SHROOM4: variants seen among roughly 807,000 people sequenced by gnomAD.
SHROOM4 encodes the protein shroom family member 4, also known as protein Shroom4.
SHROOM4 carries 17 observed loss-of-function variants against 80.3 expected under a neutral mutation model. That is an observed-to-expected ratio of 0.21 (90% CI 0.14 to 0.32). SHROOM4 has a LOEUF of 0.32. SHROOM4 is among the 10% of genes least tolerant of loss of function. The probability of loss-of-function intolerance (pLI) is 1.00; values close to 1 mark genes in which losing one functional copy is unlikely to be tolerated. For synonymous variants in SHROOM4, 400 were observed against 437.5 expected, an observed-to-expected ratio of 0.91 and a Z score of 1.07; for missense variants, 993 against 1,140.3, an observed-to-expected ratio of 0.87 and a Z score of 1.86.
chrX:50,766,637 A>C (rs1410318805), intron 1 of SHROOM4, among the ~76,000 whole-genome samples: 4 of 111,807 alleles, frequency 3.6e-5, no homozygotes, highest in African/African-American at 1.3e-4. Flanking sequence ...ACAGAATCAC[A>C]TATTTGTCCC....
chrX:50,584,564 A>G (rs1423236479), downstream of SHROOM4, among the ~76,000 whole-genome samples: 1 of 112,100 alleles, frequency 8.9e-6, no homozygotes, highest in Non-Finnish European at 1.9e-5. Context: ...TAAGAAGAAT[A>G]GTTAGGCTAA....
intron 2 of SHROOM4, among the ~76,000 whole-genome samples, chrX:50,638,803 C>A (rs189525756): frequency 8.9e-6 from 1 of 112,775 alleles, no homozygotes; most frequent in Non-Finnish European, 1.9e-5. Flanking sequence ...GTGTCCTCTA[C>A]GTGTAACTCT....
At chrX:50,728,823 T>C (rs1934298230) in intron 1 of SHROOM4, among the ~76,000 whole-genome samples, 1 of 111,917 alleles carries the variant, frequency 8.9e-6, no homozygotes, top group African/African-American at 3.3e-5. Flanking sequence ...GGAGTAATCA[T>C]AACCTTTGGT....
chrX:50,581,586 G>T, the SHROOM4 span, among the ~76,000 whole-genome samples: 1 of 111,950 alleles, frequency 8.9e-6, no homozygotes, highest in East Asian at 2.8e-4. Context: ...AAATGACAAA[G>T]GCTTTGGGTC....
intron 5 of SHROOM4, among the ~76,000 whole-genome samples, chrX:50,613,288 A>AT (rs1420182079): frequency 1.8e-5 from 2 of 111,015 alleles, no homozygotes; most frequent in Non-Finnish European, 3.8e-5. Context: ...TAATTTTTGT[A>AT]TTTTTAGTAG....
chrX:50,613,180 C>A (rs1930073440), intron 5 of SHROOM4, among the ~76,000 whole-genome samples: 1 of 111,388 alleles, frequency 9.0e-6, no homozygotes, highest in African/African-American at 3.3e-5. Flanking sequence ...AGTGCATGAT[C>A]TCCGCTCACT....
At chrX:50,675,068 G>A (rs1416901593) in intron 2 of SHROOM4, among the ~76,000 whole-genome samples, 4 of 111,794 alleles carry the variant, frequency 3.6e-5, no homozygotes, top group Non-Finnish European at 7.5e-5. Context: ...AGAGGACACT[G>A]TATTCAGGGA....
In SHROOM4 at chrX:50,588,163, G is replaced by T. The variant is rs1557245055; in HGVS notation, c.*8532C>A. Among the ~76,000 whole-genome samples, 1 of 111,202 alleles carries T rather than the reference G, an allele frequency of 9.0e-6. No homozygotes were observed. Among genetic ancestry groups the T allele is most frequent in the East Asian group, 2.8e-4 (1 of 3,534 alleles). ...CTAACAGACTACATTGTTCTCATCA[G>T]ATGGTAGTATTGAGCTTGCCAGAAA... On this transcript the variant is annotated 3_prime_UTR_variant, in exon 9 of 9. Transcript: ENST00000376020.
At chrX:50,705,960 G>T (rs1389018840) in intron 1 of SHROOM4, among the ~76,000 whole-genome samples, 1 of 101,162 alleles carries the variant, frequency 9.9e-6, no homozygotes, top group Non-Finnish European at 2.0e-5. Flanking sequence ...ATGCCTTTTT[G>T]ACCTTATTTC....
At chrX:50,685,330 G>A (rs1242744923) in intron 2 of SHROOM4, among the ~76,000 whole-genome samples, 1 of 111,479 alleles carries the variant, frequency 9.0e-6, no homozygotes, top group East Asian at 2.8e-4. Context: ...GACACTGGAG[G>A]GGGTTGGTTG....
Position 50,607,722 on chromosome X carries a change from TTCTTCTTCC to T in SHROOM4, c.3411_3419del (p.Glu1149_Glu1151del), listed in dbSNP as rs782008492. 29 of 1,178,237 alleles carry T rather than the reference TTCTTCTTCC, an allele frequency of 2.5e-5. No individual in the cohort carries two copies. Among genetic ancestry groups the T allele is most frequent in the Non-Finnish European group, 3.3e-5 (29 of 876,445 alleles). ...CCTCCTCTTCCTCTTCCTCTTCTTC[TTCTTCTTCC>T]TCCTCCTCCTCCTCCTCCTGTTGCT... On this transcript the variant is annotated inframe_deletion, in exon 6 of 9. Transcript: ENST00000376020.
chrX:50,726,516 G>A (rs1557265887), intron 1 of SHROOM4, among the ~76,000 whole-genome samples: 1 of 112,242 alleles, frequency 8.9e-6, no homozygotes, highest in African/African-American at 3.2e-5. Flanking sequence ...GGCTTGGGCC[G>A]GGCCCAAGGC....
chrX:50,614,210 A>G (rs946320817), intron 5 of SHROOM4, among the ~76,000 whole-genome samples: 1 of 112,803 alleles, frequency 8.9e-6, no homozygotes, highest in Non-Finnish European at 1.9e-5. Context: ...TTTTAAAAAT[A>G]TAAAATAATC....
Position 50,692,183 on chromosome X carries a change from T to C in SHROOM4, c.269+3603A>G, listed in dbSNP as rs150401916. On this transcript the variant is annotated intron_variant, in intron 2 of 8. Transcript: ENST00000376020. ...TGGCGAGATGAGTGGGTGAAACACC[T>C]GAACACTCTCATTCTTGTGACTGGC... is the stretch of plus-strand genomic sequence containing the variant. 6.5e-3 allele frequency among the ~76,000 whole-genome samples: 726 copies of C among 112,149 alleles called. 5 individuals are homozygous for C. The highest frequency in any genetic ancestry group is 0.022 in the African/African-American group (690 of 30,856).
In SHROOM4 at chrX:50,692,379, G is replaced by T. The variant is rs1432563274; in HGVS notation, c.269+3407C>A. Among the ~76,000 whole-genome samples, 3 of 111,757 alleles carry T rather than the reference G, an allele frequency of 2.7e-5. No homozygotes were observed. In the Admixed American group the frequency reaches 2.8e-4, roughly 11 times the overall value. On this transcript the variant is annotated intron_variant, in intron 2 of 8. Transcript: ENST00000376020. ...CTGCAAAGCACACCACCATTCTGAT[G>T]CTCTCCCAATTTAACAATGTTTGTT...
chrX:50,701,495 A>G (rs1047448369), intron 1 of SHROOM4, among the ~76,000 whole-genome samples: 2 of 111,862 alleles, frequency 1.8e-5, no homozygotes, highest in African/African-American at 6.5e-5. Flanking sequence ...CATTAATGCT[A>G]TCAGTGTTTG....
rs920094611 is a variant in SHROOM4 at position 50,589,048 on chromosome X, A to G, written c.*7647T>C. 2.7e-4 allele frequency among the ~76,000 whole-genome samples: 30 copies of G among 111,587 alleles called. No individual in the cohort carries two copies. Among genetic ancestry groups the G allele is most frequent in the South Asian group, 7.5e-4 (2 of 2,654 alleles). On this transcript the variant is annotated 3_prime_UTR_variant, in exon 9 of 9. Coordinates refer to ENST00000376020, the MANE Select transcript of SHROOM4 (RefSeq NM_020717.5). The stretch of plus-strand genomic sequence containing the variant: ...CTCCTTCCCAATAGTAGTCCCTCCC[A>G]TCTCTCTTATTTTTGCTGAAGTCTT...
intron 1 of SHROOM4, among the ~76,000 whole-genome samples, chrX:50,714,819 A>G (rs1440756571): frequency 8.9e-6 from 1 of 111,842 alleles, no homozygotes; most frequent in Non-Finnish European, 1.9e-5. Context: ...ATCTTCTGCA[A>G]TTCCCAGAGG....
chrX:50,685,269 C>T (rs1933045392), intron 2 of SHROOM4, among the ~76,000 whole-genome samples: 2 of 111,436 alleles, frequency 1.8e-5, no homozygotes, highest in South Asian at 7.6e-4. Flanking sequence ...CTATTGTGAG[C>T]TTGATTGACA....
Sources: gnomAD v4.1 joint callset for allele counts (sites outside exome capture counted in the v4.1 genomes callset) on GRCh38, gnomAD v4.1.1 for gene constraint, MANE v1.5 for transcripts, NCBI Gene and HGNC (gene_info 2026-07-23, HGNC 2026-07-21) for gene names.